ALDOB: variants seen among roughly 807,000 people sequenced by gnomAD.
The protein encoded by ALDOB is aldolase, fructose-bisphosphate B.
Under a neutral mutation model 41.0 loss-of-function variants are expected in ALDOB, and 39 were observed. That is an observed-to-expected ratio of 0.95 (90% CI 0.74 to 1.24). The LOEUF (loss-of-function observed/expected upper bound fraction) is 1.24. ALDOB is among the 50% of genes most tolerant of loss of function. The probability of loss-of-function intolerance (pLI) is 0.00; values close to 1 mark genes in which losing one functional copy is unlikely to be tolerated. For synonymous variants in ALDOB, 175 were observed against 168.8 expected (o/e 1.04, Z -0.28); for missense variants, 530 against 457.3 (o/e 1.16, Z -1.45).
At position 101,424,967 on chromosome 9, in the gene ALDOB, A is replaced by G. The variant is rs761908783; in HGVS notation, c.875T>C (p.Leu292Pro). 4.0e-5 allele frequency: 64 copies of G among 1,614,120 alleles called. No individual in the cohort carries two copies. Among genetic ancestry groups the G allele is most frequent in the Non-Finnish European group, 5.3e-5 (62 of 1,180,050 alleles). ...LNLNAINLCP[L>P]PKPWKLSFSY... ...GAAACTTAGTTTCCAGGGCTTTGGT[A>G]GAGGGCAAAGGTTGATAGCATTGAG... is the stretch of plus-strand genomic sequence containing the variant. Residue 292 changes from leucine to proline, a missense_variant, in exon 8 of 9, where the codon CTA (leucine) becomes CCA (proline). Transcript: ENST00000647789.
intron 1 of ALDOB, 41 bp from the exon 2 acceptor site, chr9:101,430,938 T>A (rs767475721): frequency 7.2e-7 from 1 of 1,392,892 alleles, no homozygotes; most frequent in South Asian, 1.2e-5. Context: ...GAACCATGGG[T>A]GGCTCAGATG....
intron 8 of ALDOB, among the ~76,000 whole-genome samples, chr9:101,422,327 C>A (rs1831060736): frequency 6.6e-6 from 1 of 152,176 alleles, no homozygotes; most frequent in East Asian, 1.9e-4. Context: ...CATTTGCTTT[C>A]CTGTATACAT....
intron 8 of ALDOB, among the ~76,000 whole-genome samples, chr9:101,422,902 T>C (rs1831069075): frequency 6.6e-6 from 1 of 152,140 alleles, no homozygotes; most frequent in Non-Finnish European, 1.5e-5. Flanking sequence ...TGTGTAAATA[T>C]AAAAGATCAT....
chr9:101,430,091 A>G, intron 2 of ALDOB, 125 bp from the exon 3 acceptor site: 2 of 899,830 alleles, frequency 2.2e-6, no homozygotes, highest in Non-Finnish European at 3.6e-6. Flanking sequence ...AGATAGTCAA[A>G]GCTCCTGCTT....
chr9:101,425,391 G>A, intron 7 of ALDOB, 62 bp downstream of exon 7: 3 of 1,580,626 alleles, frequency 1.9e-6, no homozygotes, highest in South Asian at 2.2e-5. Context: ...CAAACAGAAA[G>A]CTTGTGGCTC....
chr9:101,434,294 T>G (rs1274064369), intron 1 of ALDOB, among the ~76,000 whole-genome samples: 2 of 152,230 alleles, frequency 1.3e-5, no homozygotes, highest in African/African-American at 4.8e-5. Flanking sequence ...GTTGTGATGT[T>G]CTAGGATTGC....
At chr9:101,435,511 AG>A (rs1831278457) in intron 1 of ALDOB, among the ~76,000 whole-genome samples, 197 bp downstream of exon 1, 1 of 152,150 alleles carries the variant, frequency 6.6e-6, no homozygotes, top group African/African-American at 2.4e-5. Flanking sequence ...AAGTCAGGAA[AG>A]GTGTGAATGA....
intron 1 of ALDOB, 55 bp from the exon 2 acceptor site, chr9:101,430,952 G>A: frequency 8.2e-7 from 1 of 1,225,192 alleles, no homozygotes; most frequent in African/African-American, 1.5e-5. Flanking sequence ...TCAGATGGAT[G>A]CATGACCAAG....
At chr9:101,429,311 A>T (rs1268477921) in intron 3 of ALDOB, among the ~76,000 whole-genome samples, 1 of 151,822 alleles carries the variant, frequency 6.6e-6, no homozygotes, top group Non-Finnish European at 1.5e-5. Context: ...GCATGCACCA[A>T]CACATCTGGC....
At chr9:101,428,000 C>T (rs924159080) in intron 4 of ALDOB, among the ~76,000 whole-genome samples, 10 of 152,116 alleles carry the variant, frequency 6.6e-5, no homozygotes, top group Non-Finnish European at 7.4e-5. Context: ...TTAGCTAACC[C>T]AATGTTGTGA....
chr9:101,435,127 C>T (rs1831272575), intron 1 of ALDOB, among the ~76,000 whole-genome samples: 1 of 152,118 alleles, frequency 6.6e-6, no homozygotes, highest in Non-Finnish European at 1.5e-5. Flanking sequence ...AATTCATAAT[C>T]AAATGATGAC....
intron 2 of ALDOB, among the ~76,000 whole-genome samples, chr9:101,430,277 C>T (rs1205712205): frequency 1.3e-5 from 2 of 152,122 alleles, no homozygotes; most frequent in Non-Finnish European, 2.9e-5. Flanking sequence ...GCTGGATGTA[C>T]ATGCAGAAGG....
intron 4 of ALDOB, 77 bp from the exon 5 acceptor site, chr9:101,427,719 G>A (rs1001021018): frequency 6.6e-5 from 103 of 1,557,976 alleles, no homozygotes; most frequent in Middle Eastern, 1.7e-4. Context: ...AAGGGAAGGA[G>A]TTCTCCCTTT....
intron 1 of ALDOB, 36 bp from the exon 2 acceptor site, chr9:101,430,933 A>G: frequency 6.8e-7 from 1 of 1,463,232 alleles, no homozygotes; most frequent in Non-Finnish European, 9.6e-7. Flanking sequence ...GCACAGAACC[A>G]TGGGTGGCTC....
chr9:101,429,630 G>A (rs1238623531), intron 3 of ALDOB, 125 bp downstream of exon 3: 12 of 942,054 alleles, frequency 1.3e-5, no homozygotes, highest in East Asian at 7.2e-5. Context: ...GGAAGATGAC[G>A]ATGGAAAAGG....
chr9:101,425,361 A>G, intron 7 of ALDOB, 92 bp downstream of exon 7: 1 of 1,477,688 alleles, frequency 6.8e-7, no homozygotes, highest in Non-Finnish European at 9.4e-7. Flanking sequence ...TTGTTTCATG[A>G]ATAGAAGCAG....
chr9:101,425,310 G>T, intron 7 of ALDOB, 143 bp downstream of exon 7: 1 of 1,019,958 alleles, frequency 9.8e-7, no homozygotes, highest in Non-Finnish European at 1.5e-6. Flanking sequence ...GTATTCTGAA[G>T]TGGGAGAAGA....
At chr9:101,429,605 A>T in intron 3 of ALDOB, 150 bp downstream of exon 3, 1 of 835,056 alleles carries the variant, frequency 1.2e-6, no homozygotes, top group Admixed American at 1.7e-5. Context: ...CTAGAAGAGG[A>T]TCTTGTTCTC....
At chr9:101,431,481 A>G (rs1831218340) in intron 1 of ALDOB, among the ~76,000 whole-genome samples, 1 of 152,198 alleles carries the variant, frequency 6.6e-6, no homozygotes, top group Non-Finnish European at 1.5e-5. Context: ...ACCCTCTATG[A>G]AACCACTTGG....
Sources: gnomAD v4.1 joint callset for allele counts (sites outside exome capture counted in the v4.1 genomes callset) on GRCh38, gnomAD v4.1.1 for gene constraint, MANE v1.5 for transcripts, NCBI Gene and HGNC (gene_info 2026-07-23, HGNC 2026-07-21) for gene names.